The following CYLC2 variants were observed in gnomAD, a reference collection of about 807,000 sequenced individuals.
CYLC2 encodes cylicin 2.
In CYLC2, 30 loss-of-function variants were observed where a neutral mutation model predicts 26.1. The observed-to-expected ratio is 1.15, with a 90% CI of 0.86 to 1.56. The LOEUF is 1.56. Ranked by LOEUF, CYLC2 falls within the 40% of genes most tolerant of loss-of-function variation. The pLI, the probability that CYLC2 is intolerant of heterozygous loss-of-function variation, is 0.00. For missense variants in CYLC2, 498 were observed against 394.4 expected (o/e 1.26, Z -2.23); for synonymous variants, 158 against 132.8 (o/e 1.19, Z -1.31).
intron 6 of CYLC2, among the ~76,000 whole-genome samples, chr9:103,013,387 T>TATATATTATATAAATATATATTTA (rs1829439656): frequency 9.9e-6 from 1 of 101,434 alleles, no homozygotes; most frequent in Non-Finnish European, 1.7e-5. Context: ...ATTATATAAA[T>TATATATTATATAAATATATATTTA]ATATATTATA....
intron 1 of CYLC2, among the ~76,000 whole-genome samples, chr9:103,000,793 G>A (rs766514134): frequency 2.0e-5 from 3 of 151,818 alleles, no homozygotes; most frequent in Non-Finnish European, 4.4e-5. Context: ...GACCAACGAT[G>A]GCTCTATATC....
At chr9:103,011,362 G>A (rs1390423764) in intron 5 of CYLC2, among the ~76,000 whole-genome samples, 4 of 151,914 alleles carry the variant, frequency 2.6e-5, no homozygotes, top group African/African-American at 7.2e-5. Flanking sequence ...AAATACTTAC[G>A]TTTCATAAAA....
chr9:103,006,071 C>G lies in CYLC2; in HGVS notation c.*393C>G, dbSNP rs1019506709. ...ACACACACACACACACACACACACA[C>G]AGTTTAATGAAGGCTTAAAGAATCC... On this transcript the variant is annotated 3_prime_UTR_variant, in exon 5 of 8. Coordinates refer to ENST00000374798, the MANE Select transcript of CYLC2 (RefSeq NM_001340.5). The G allele has an allele frequency of 7.0e-4, 99 of 140,872 alleles. No individual in the cohort carries two copies. The highest frequency in any genetic ancestry group is 2.7e-3 in the African/African-American group (96 of 35,198). The allele number at this position is 140,872 out of a possible 1,614,324, so 8.7% of individuals were successfully genotyped here.
At chr9:103,008,565 G>A (rs373753962) in intron 5 of CYLC2, among the ~76,000 whole-genome samples, 1 of 151,886 alleles carries the variant, frequency 6.6e-6, no homozygotes, top group Non-Finnish European at 1.5e-5. Context: ...CATCCCTCCA[G>A]CAATGCCTCT....
intron 5 of CYLC2, among the ~76,000 whole-genome samples, chr9:103,006,946 G>C (rs1829358494): frequency 1.3e-5 from 2 of 152,090 alleles, no homozygotes; most frequent in Admixed American, 1.3e-4. Flanking sequence ...ATAACCATGT[G>C]AGGTGATGCT....
intron 5 of CYLC2, among the ~76,000 whole-genome samples, chr9:103,008,950 G>A (rs1829378801): frequency 6.6e-6 from 1 of 152,020 alleles, no homozygotes; most frequent in Non-Finnish European, 1.5e-5. Context: ...CTTTTCTTTT[G>A]CTCTGGCTTA....
intron 6 of CYLC2, among the ~76,000 whole-genome samples, chr9:103,013,345 A>AATATATATTTAATTTATTATAT (rs1564100471): frequency 6.0e-5 from 1 of 16,630 alleles, no homozygotes; most frequent in Admixed American, 1.1e-3. Flanking sequence ...TATATTATAT[A>AATATATATTTAATTTATTATAT]AATATATATT....
Position 103,003,189 on chromosome 9 carries a change from T to A in CYLC2, c.106T>A (p.Leu36Ile), listed in dbSNP as rs747648863. ...ATGGAATCAGCAACACTTTGCCCTG[T>A]TATTTCCCAAACCACAACGGCCAGG... ...KSWNQQHFAL[L>I]FPKPQRPGTK... is the part of the protein sequence containing the mutation. The change falls in exon 3 of 8, where the codon TTA becomes ATA. Residue 36 changes from leucine (L) to isoleucine (I), a missense_variant. Transcript: ENST00000374798. The A allele has an allele frequency of 6.2e-7, 1 of 1,613,914 alleles. No individual in the cohort carries two copies. The highest frequency in any genetic ancestry group is 1.1e-5 in the South Asian group (1 of 91,088).
chr9:103,005,487 G>C lies in CYLC2; in HGVS notation c.856G>C (p.Asp286His), dbSNP rs747185979. The part of the protein sequence containing the change: ...KPSSTDSDSK[D>H]DVKKESKKDA... ...CAGTAGTACAGACAGTGACTCAAAGGATGATGTCAAGAAAGAGTCTAAGAA... is the reference window on the plus strand; with the variant it reads ...CAGTAGTACAGACAGTGACTCAAAGCATGATGTCAAGAAAGAGTCTAAGAA... The change falls in exon 5 of 8, where the codon GAT becomes CAT. Residue 286 changes from aspartate (D) to histidine (H), a missense_variant. Physicochemically the swap from Asp to His is moderately conservative, Grantham distance 81. Transcript: ENST00000374798. 8 of 1,613,696 alleles carry C rather than the reference G, an allele frequency of 5.0e-6. No homozygotes were observed. Among genetic ancestry groups the C allele is most frequent in the Non-Finnish European group, 5.9e-6 (7 of 1,179,862 alleles).
intron 5 of CYLC2, chr9:103,010,772 T>C (rs374525078): frequency 6.6e-6 from 1 of 152,104 alleles, no homozygotes; most frequent in African/African-American, 2.4e-5. Flanking sequence ...CTCCTACTAC[T>C]GTTCCTACTC....
rs372526616 is a variant in CYLC2 at position 103,005,289 on chromosome 9, G to A, written c.658G>A (p.Gly220Ser). ...AGGTACAGAGAAAGATAGCAAAAAAGGTAAAAAGGATTCAAAGAAGGGCAA... is the reference window on the plus strand; with the variant it reads ...AGGTACAGAGAAAGATAGCAAAAAAAGTAAAAAGGATTCAAAGAAGGGCAA... ...KGGTEKDSKKGKKDSKKGKDS... is the reference protein window; with the variant it reads ...KGGTEKDSKKSKKDSKKGKDS... The change falls in exon 5 of 8, where the codon GGT becomes AGT. Residue 220 changes from glycine to serine, a missense_variant. Physicochemically the swap from Gly to Ser is moderately conservative, Grantham distance 56. Transcript: ENST00000374798. The A allele has an allele frequency of 1.3e-5, 21 of 1,613,446 alleles. No homozygotes were observed. The highest frequency in any genetic ancestry group is 1.6e-5 in the Non-Finnish European group (19 of 1,179,814).
At position 103,006,335 on chromosome 9, in the gene CYLC2, T is replaced by C. The variant is rs1829350340; in HGVS notation, c.*657T>C. 1 of 152,154 alleles carries C rather than the reference T, an allele frequency of 6.6e-6. No individual in the cohort carries two copies. The highest frequency in any genetic ancestry group is 2.4e-5 in the African/African-American group (1 of 41,454). The allele number at this position is 152,154 out of a possible 1,614,324, so 9.4% of individuals were successfully genotyped here. ...GTTTAAACAACCACAGTCATGTTTA[T>C]GGTTGTTGGATGTGCCACTTCCAAT... On this transcript the variant is annotated 3_prime_UTR_variant, in exon 5 of 8. Coordinates refer to ENST00000374798, the MANE Select transcript of CYLC2 (RefSeq NM_001340.5).
At chr9:103,013,571 C>T in intron 6 of CYLC2, among the ~76,000 whole-genome samples, 1 of 109,038 alleles carries the variant, frequency 9.2e-6, no homozygotes, top group Non-Finnish European at 1.7e-5. Context: ...GTATATCTTA[C>T]ATATGTATTT....
intron 2 of CYLC2, among the ~76,000 whole-genome samples, chr9:103,002,758 T>C (rs1829301603): frequency 6.6e-6 from 1 of 152,150 alleles, no homozygotes; most frequent in Non-Finnish European, 1.5e-5. Flanking sequence ...GGCATTGTGC[T>C]AAGTACTATG....
intron 6 of CYLC2, among the ~76,000 whole-genome samples, chr9:103,013,396 TATAA>T (rs1829439866): frequency 9.5e-6 from 1 of 104,776 alleles, no homozygotes; most frequent in Non-Finnish European, 1.7e-5. Flanking sequence ...ATATATATTA[TATAA>T]ATATATATTT....
chr9:102,997,374 A>C (rs1344526001), intron 1 of CYLC2, among the ~76,000 whole-genome samples: 1 of 151,974 alleles, frequency 6.6e-6, no homozygotes, highest in Non-Finnish European at 1.5e-5. Context: ...TCTCTGGGTG[A>C]GGAGTTCGAA....
intron 1 of CYLC2, among the ~76,000 whole-genome samples, chr9:103,000,767 C>T (rs1304590306): frequency 6.6e-6 from 1 of 151,856 alleles, no homozygotes. Context: ...AGCACAAAAG[C>T]CTCAAACTCA....
At chr9:103,013,746 T>TATATTATATATAATTATATTTA (rs1218288657) in intron 6 of CYLC2, among the ~76,000 whole-genome samples, 2 of 111,142 alleles carry the variant, frequency 1.8e-5, no homozygotes, top group African/African-American at 7.4e-5. Flanking sequence ...AATTATATAT[T>TATATTATATATAATTATATTTA]ATATTATATA....
intron 3 of CYLC2, among the ~76,000 whole-genome samples, chr9:103,004,068 A>G (rs376635490): frequency 1.3e-5 from 2 of 152,130 alleles, no homozygotes; most frequent in African/African-American, 4.8e-5. Flanking sequence ...GAGATTAGCT[A>G]TTTTTGCCAT....
Sources: gnomAD v4.1 joint callset for allele counts (sites outside exome capture counted in the v4.1 genomes callset) on GRCh38, gnomAD v4.1.1 for gene constraint, MANE v1.5 for transcripts, NCBI Gene and HGNC (gene_info 2026-07-23, HGNC 2026-07-21) for gene names.